Variants in SYNGR1 observed in about 807,000 individuals in gnomAD.
The protein encoded by SYNGR1 is synaptogyrin 1, also known as synaptogyrin-1.
A neutral mutation model predicts 26.1 loss-of-function variants in SYNGR1; 14 were observed. The ratio of observed to expected loss-of-function variants is 0.54; its 90% CI spans 0.35 to 0.84. The LOEUF (loss-of-function observed/expected upper bound fraction) is 0.84. SYNGR1 is among the 40% of genes least tolerant of loss of function. The pLI is 0.01. For missense variants in SYNGR1, 319 were observed against 332.9 expected (o/e 0.96, Z 0.33); for synonymous variants, 141 against 150.1 (o/e 0.94, Z 0.44).
intron 1 of SYNGR1, among the ~76,000 whole-genome samples, chr22:39,366,384 G>A (rs1228636203): frequency 6.6e-6 from 1 of 151,866 alleles, no homozygotes; most frequent in Admixed American, 6.6e-5. Flanking sequence ...AGTGGCTCAC[G>A]CTTGTAATCC....
Position 39,370,863 on chromosome 22 carries a change from T to TA in SYNGR1, c.100-3452dup, listed in dbSNP as rs150575412. Among the ~76,000 whole-genome samples the TA allele has an allele frequency of 4.0e-3, 613 of 151,912 alleles. 2 individuals carry two copies. The highest frequency in any genetic ancestry group is 6.9e-3 in the Non-Finnish European group (468 of 67,908). On this transcript the variant is annotated intron_variant, in intron 1 of 3. Transcript: ENST00000328933. The stretch of plus-strand genomic sequence containing the variant: ...CTCGAACTCCTGACCTCAAGTGATC[T>TA]ACCCATCTTGGTCTCCCAAAGTGCT...
chr22:39,358,532 A>C (rs550643383), intron 1 of SYNGR1, among the ~76,000 whole-genome samples: 15 of 152,122 alleles, frequency 9.9e-5, no homozygotes, highest in East Asian at 1.9e-4. Flanking sequence ...AGCCAGCGAG[A>C]CCACGAGCCC....
intron 1 of SYNGR1, among the ~76,000 whole-genome samples, chr22:39,361,135 T>C (rs1244396540): frequency 6.6e-6 from 1 of 152,192 alleles, no homozygotes; most frequent in Non-Finnish European, 1.5e-5. Flanking sequence ...TTGGGCTCTG[T>C]GGGGATGACT....
rs1925588640 is a variant in SYNGR1, at chr22:39,384,184, C to G, written c.*2270C>G. ...GTTCTGACCCTCACCCACTGTCCACCAAAAGCCTCTCCTGCTGATGGGCAC... is the reference window on the plus strand; with the variant it reads ...GTTCTGACCCTCACCCACTGTCCACGAAAAGCCTCTCCTGCTGATGGGCAC... On this transcript the variant is annotated 3_prime_UTR_variant, in exon 4 of 4. Coordinates refer to ENST00000328933, the MANE Select transcript of SYNGR1 (RefSeq NM_004711.5). The G allele has an allele frequency of 4.4e-6, 1 of 227,548 alleles. No individual in the cohort carries two copies. The highest frequency in any genetic ancestry group is 8.5e-6 in the Non-Finnish European group (1 of 117,608). The allele number at this position is 227,548 out of a possible 1,614,324, so 14.1% of individuals were successfully genotyped here. A position where few individuals can be genotyped will look rare whatever the true frequency, so the allele number is the denominator to read the frequency against.
At position 39,381,927 on chromosome 22, in the gene SYNGR1, G is replaced by A. The variant is rs775498326; in HGVS notation, c.*13G>A. 3.2e-5 allele frequency: 51 copies of A among 1,583,716 alleles called. No homozygotes were observed. Among genetic ancestry groups the A allele is most frequent in the Non-Finnish European group, 3.9e-5 (46 of 1,165,768 alleles). The stretch of plus-strand genomic sequence containing the variant: ...GCAGGGCTACTGAGCCACAGTGACC[G>A]CCTGCCCCCGCCCCTCCCCATCTGT... On this transcript the variant is annotated 3_prime_UTR_variant, in exon 4 of 4. Transcript: ENST00000328933.
At chr22:39,374,633 C>T (rs1482927523) in intron 2 of SYNGR1, 80 bp downstream of exon 2, 4 of 1,448,204 alleles carry the variant, frequency 2.8e-6, no homozygotes, top group Non-Finnish European at 3.8e-6. Flanking sequence ...TGCCACCCTT[C>T]TTCCCATGTT....
At position 39,358,437 on chromosome 22, in the gene SYNGR1, A is replaced by G. The variant is rs1050716675; in HGVS notation, c.99+8328A>G. On this transcript the variant is annotated intron_variant, in intron 1 of 3. Coordinates refer to ENST00000328933, the MANE Select transcript of SYNGR1 (RefSeq NM_004711.5). ...CTTTGTTCGTCTGCTCGTTGCGATAAATTTTGCTACTGCTCACTCTTTGGG... is the reference window on the plus strand; with the variant it reads ...CTTTGTTCGTCTGCTCGTTGCGATAGATTTTGCTACTGCTCACTCTTTGGG... Among the ~76,000 whole-genome samples, 4 of 152,252 alleles carry G rather than the reference A, an allele frequency of 2.6e-5. No homozygotes were observed. The East Asian group carries it at 7.7e-4, about 29-fold the overall frequency.
intron 1 of SYNGR1, among the ~76,000 whole-genome samples, chr22:39,358,165 C>G (rs1193981019): frequency 1.3e-5 from 2 of 151,912 alleles, no homozygotes; most frequent in African/African-American, 2.4e-5. Flanking sequence ...GTGCACCAAT[C>G]GACACTCTGT....
intron 1 of SYNGR1, among the ~76,000 whole-genome samples, chr22:39,354,064 A>T (rs1924035686): frequency 1.3e-5 from 2 of 152,042 alleles, no homozygotes; most frequent in African/African-American, 4.8e-5. Context: ...GGGTTTCACC[A>T]TCTTGGCCAG....
At chr22:39,360,552 C>T (rs532901042) in intron 1 of SYNGR1, among the ~76,000 whole-genome samples, 4 of 152,296 alleles carry the variant, frequency 2.6e-5, no homozygotes, top group East Asian at 1.9e-4. Flanking sequence ...TGAATCCAAA[C>T]GGCTGCAGAA....
rs1474977475 is a variant in SYNGR1, at chr22:39,350,212, C to G, written c.99+103C>G. The G allele has an allele frequency of 1.0e-5, 8 of 779,600 alleles. No individual in the cohort carries two copies. The highest frequency in any genetic ancestry group is 1.1e-4 in the East Asian group (2 of 17,812). 48.3% of individuals were successfully genotyped at this position (779,600 alleles called of 1,614,324 possible). On this transcript the variant is annotated intron_variant, in intron 1 of 3. Transcript: ENST00000328933. This position sits in a 1 kb window ranked among gnomAD's most constrained non-coding sequence, Gnocchi z 4.3. Reference sequence around the variant, plus strand: ...CCCGACCCCGACCCCAACGGGCCCCCGGCGGCGGCGCGGCGGCGGGCGAGG... The same window carrying G: ...CCCGACCCCGACCCCAACGGGCCCCGGGCGGCGGCGCGGCGGCGGGCGAGG...
At chr22:39,353,822 C>T (rs1385071212) in intron 1 of SYNGR1, among the ~76,000 whole-genome samples, 1 of 152,136 alleles carries the variant, frequency 6.6e-6, no homozygotes, top group Non-Finnish European at 1.5e-5. Flanking sequence ...CTAAGATGGA[C>T]TATAGGGAAT....
At position 39,357,717 on chromosome 22, in the gene SYNGR1, C is replaced by T. The variant is rs2413586; in HGVS notation, c.99+7608C>T. Among the ~76,000 whole-genome samples the T allele has an allele frequency of 0.056, 1,864 of 33,330 alleles. 67 individuals carry two copies. The East Asian group carries it at 0.57, about 10-fold the overall frequency. 21.9% of individuals were successfully genotyped at this position (33,330 alleles called of 152,430 possible). On this transcript the variant is annotated intron_variant, in intron 1 of 3. Coordinates refer to ENST00000328933, the MANE Select transcript of SYNGR1 (RefSeq NM_004711.5). ...AGCAGCCGGCCAGCCCTGCTGGCCC[C>T]GGGCAATGAGGGACTTAGCGCCCGG...
At chr22:39,361,239 C>G (rs752442864) in intron 1 of SYNGR1, among the ~76,000 whole-genome samples, 2 of 152,102 alleles carry the variant, frequency 1.3e-5, no homozygotes, top group Non-Finnish European at 2.9e-5. Flanking sequence ...TCCCTGATGA[C>G]CTGGAATTTG....
chr22:39,364,056 C>A, intron 1 of SYNGR1: 1 of 1,428,092 alleles, frequency 7.0e-7, no homozygotes, highest in Non-Finnish European at 9.6e-7. Context: ...TTAGCCGACG[C>A]CCTGCAGTGG....
intron 1 of SYNGR1, among the ~76,000 whole-genome samples, chr22:39,370,743 G>A (rs148412041): frequency 1.3e-5 from 2 of 151,548 alleles, no homozygotes; most frequent in East Asian, 2.0e-4. Flanking sequence ...ACAGGCTTCC[G>A]AGTAGCTGGG....
chr22:39,357,435 G>A (rs575246696), intron 1 of SYNGR1, among the ~76,000 whole-genome samples: 2 of 152,286 alleles, frequency 1.3e-5, no homozygotes, highest in African/African-American at 4.8e-5. Context: ...CTACTTTGGC[G>A]GCATTTGAGG....
At chr22:39,362,561 A>G (rs536382680) in intron 1 of SYNGR1, among the ~76,000 whole-genome samples, 2 of 152,260 alleles carry the variant, frequency 1.3e-5, no homozygotes, top group South Asian at 2.1e-4. Flanking sequence ...CCCTGGGGGA[A>G]GACAAGGCCC....
intron 1 of SYNGR1, among the ~76,000 whole-genome samples, chr22:39,351,514 G>A (rs1188035957): frequency 6.6e-6 from 1 of 152,206 alleles, no homozygotes; most frequent in Non-Finnish European, 1.5e-5. Context: ...CCAGTCTCCT[G>A]CTCCCCAGAT....
Sources: allele counts gnomAD v4.1 joint callset (sites outside exome capture counted in the v4.1 genomes callset), GRCh38; gene constraint gnomAD v4.1.1; non-coding constraint Gnocchi (gnomAD v3.1); transcripts MANE v1.5; gene names NCBI Gene and HGNC (gene_info 2026-07-23, HGNC 2026-07-21).